Variants in ABRAXAS2 observed in about 807,000 individuals in gnomAD.
ABRAXAS2 encodes BRISC complex subunit Abraxas 2.
Under a neutral mutation model 49.0 loss-of-function variants are expected in ABRAXAS2, and 23 were observed. That is an observed-to-expected ratio of 0.47 (90% confidence interval 0.34 to 0.66). The LOEUF is 0.66. Ranked by LOEUF, ABRAXAS2 falls within the 30% of genes least tolerant of loss-of-function variation. The probability of loss-of-function intolerance (pLI) is 0.01; values close to 1 mark genes in which losing one functional copy is unlikely to be tolerated. For synonymous variants in ABRAXAS2, 168 were observed against 180.2 expected, an observed-to-expected ratio of 0.93 and a Z score of 0.54; for missense variants, 443 against 511.9, an observed-to-expected ratio of 0.87 and a Z score of 1.30.
intron 4 of ABRAXAS2, among the ~76,000 whole-genome samples, chr10:124,824,301 C>T (rs1466663443): frequency 3.3e-5 from 5 of 152,078 alleles, no homozygotes; most frequent in African/African-American, 7.2e-5. Flanking sequence ...TTTGGGAGGC[C>T]GAGGCTGGCA....
rs1432654835 is a variant in ABRAXAS2 at position 124,822,122 on chromosome 10, T to C, written c.267+2672T>C. Among the ~76,000 whole-genome samples, 27 of 152,204 alleles carry C rather than the reference T, an allele frequency of 1.8e-4. 1 individual carries two copies. Among genetic ancestry groups the C allele is most frequent in the Non-Finnish European group, 2.1e-4 (14 of 68,034 alleles). ...GGATGTTTGTTGTTTGGTTATTTTG[T>C]AGGGGGGATTTTGAAAGCAACCTAA... On this transcript the variant is annotated intron_variant, in intron 4 of 8. Coordinates refer to ENST00000298492, the MANE Select transcript of ABRAXAS2 (RefSeq NM_032182.4).
At chr10:124,831,840 G>GTATTTT (rs1564925948) in intron 8 of ABRAXAS2, among the ~76,000 whole-genome samples, 5 of 106,208 alleles carry the variant, frequency 4.7e-5, no homozygotes, top group Non-Finnish European at 3.6e-5. Flanking sequence ...ACTGTGTCCT[G>GTATTTT]TCTTTTTTTT....
intron 4 of ABRAXAS2, among the ~76,000 whole-genome samples, chr10:124,823,271 GTACAAAATTTTATCAT>G (rs1407040144): frequency 6.6e-6 from 1 of 152,056 alleles, no homozygotes; most frequent in Non-Finnish European, 1.5e-5. Context: ...CCTAGGATAA[GTACAAAATTTTATCAT>G]TACCTCAAAA....
At chr10:124,807,384 G>A (rs1241875955) in intron 2 of ABRAXAS2, among the ~76,000 whole-genome samples, 2 of 151,552 alleles carry the variant, frequency 1.3e-5, no homozygotes, top group East Asian at 3.9e-4. Flanking sequence ...CGGCCATGGT[G>A]GCTCATGCCT....
At chr10:124,806,807 A>G (rs766863280) in intron 1 of ABRAXAS2, 24 bp from the exon 2 acceptor site, 2 of 1,471,178 alleles carry the variant, frequency 1.4e-6, no homozygotes, top group South Asian at 1.2e-5. Context: ...TTAGTCTGCA[A>G]TTATTTTCTT....
chr10:124,818,559 A>G (rs1045658645), intron 3 of ABRAXAS2, among the ~76,000 whole-genome samples: 2 of 152,126 alleles, frequency 1.3e-5, no homozygotes, highest in Non-Finnish European at 2.9e-5. Context: ...CTGGAGCTGG[A>G]GCTTGTGTCT....
intron 2 of ABRAXAS2, among the ~76,000 whole-genome samples, chr10:124,809,321 GCT>G (rs1250890600): frequency 6.6e-6 from 1 of 151,802 alleles, no homozygotes; most frequent in African/African-American, 2.4e-5. Flanking sequence ...ATGCAGTCTG[GCT>G]CTGTTGCCCA....
intron 8 of ABRAXAS2, among the ~76,000 whole-genome samples, 200 bp from the exon 9 acceptor site, chr10:124,834,302 A>G (rs914307254): frequency 3.9e-5 from 6 of 152,212 alleles, no homozygotes; most frequent in African/African-American, 1.4e-4. Context: ...GAAATTTGTC[A>G]TGGCCTTAAA....
intron 2 of ABRAXAS2, among the ~76,000 whole-genome samples, chr10:124,816,105 G>T (rs1950823440): frequency 6.6e-6 from 1 of 151,922 alleles, no homozygotes. Flanking sequence ...GTTTCACCAT[G>T]TTGGCCAGAC....
chr10:124,817,265 T>C (rs1473571476), intron 3 of ABRAXAS2, among the ~76,000 whole-genome samples: 1 of 152,044 alleles, frequency 6.6e-6, no homozygotes, highest in Non-Finnish European at 1.5e-5. Flanking sequence ...CAATGCCATA[T>C]TATGACCAAC....
Position 124,834,688 on chromosome 10 carries a change from A to G in ABRAXAS2, c.965A>G (p.His322Arg). ...AACAATCAAGAAAGTACTTTGAGCC[A>G]CTCTCGCATGGAAAGGAGTGTCTTT... Reference protein sequence around the residue: ...HPNNQESTLSHSRMERSVFMP... With the variant: ...HPNNQESTLSRSRMERSVFMP... Residue 322 changes from histidine to arginine, a missense_variant, in exon 9 of 9, where the codon CAC (histidine) becomes CGC (arginine). Coordinates refer to ENST00000298492, the MANE Select transcript of ABRAXAS2 (RefSeq NM_032182.4). The G allele has an allele frequency of 6.2e-7, 1 of 1,613,990 alleles. No homozygotes were observed. Among genetic ancestry groups the G allele is most frequent in the Non-Finnish European group, 8.5e-7 (1 of 1,180,008 alleles).
intron 2 of ABRAXAS2, among the ~76,000 whole-genome samples, chr10:124,808,956 C>T (rs1169453272): frequency 6.6e-6 from 1 of 151,924 alleles, no homozygotes; most frequent in African/African-American, 2.4e-5. Context: ...CATGAAGAAA[C>T]CCCGTCTCTA....
chr10:124,831,336 T>A lies in ABRAXAS2; in HGVS notation c.664-13T>A. On this transcript the variant is annotated splice_polypyrimidine_tract_variant and intron_variant, in intron 7 of 8. Transcript: ENST00000298492. ...GAACTTGAAGCTAACCTCGTTGTCA[T>A]TTTTTTCCTCAGGCAGTGTGTGCAG... 6.4e-7 allele frequency: 1 copy of A among 1,555,356 alleles called. No individual in the cohort carries two copies. Among genetic ancestry groups the A allele is most frequent in the Non-Finnish European group, 8.9e-7 (1 of 1,128,248 alleles).
chr10:124,828,015 T>C lies in ABRAXAS2; in HGVS notation c.459-741T>C, dbSNP rs114264487. 6.4e-3 allele frequency among the ~76,000 whole-genome samples: 981 copies of C among 152,134 alleles called. 19 individuals carry two copies. Among genetic ancestry groups the C allele is most frequent in the African/African-American group, 0.023 (945 of 41,472 alleles). On this transcript the variant is annotated intron_variant, in intron 5 of 8. Transcript: ENST00000298492. ...AGGCATGACCTGTGCTCTCAAGGAGTTGATAAGCAAGGTTTTACTTTACAG... is the reference window on the plus strand; with the variant it reads ...AGGCATGACCTGTGCTCTCAAGGAGCTGATAAGCAAGGTTTTACTTTACAG...
Position 124,834,913 on chromosome 10 carries a change from C to G in ABRAXAS2, c.1190C>G (p.Ser397Cys). Reference sequence around the variant, plus strand: ...AGTGAATACTCACATTCAAAGGATTCTCGACCCATGGCACATCCCGACGAG... The same window carrying G: ...AGTGAATACTCACATTCAAAGGATTGTCGACCCATGGCACATCCCGACGAG... The part of the protein sequence containing the change: ...SNSEYSHSKD[S>C]RPMAHPDEDP... The change falls in exon 9 of 9, where the codon TCT becomes TGT. Residue 397 changes from serine (S) to cysteine (C), a missense_variant. Ser to Cys is a moderately radical substitution (Grantham distance 112). This residue lies in a region of ABRAXAS2 where 230 missense variants were observed against 237.0 expected (regional missense o/e 0.97). Transcript: ENST00000298492. The G allele has an allele frequency of 6.2e-7, 1 of 1,614,118 alleles. No homozygotes were observed. The highest frequency in any genetic ancestry group is 1.1e-5 in the South Asian group (1 of 91,070).
chr10:124,802,364 C>A (rs1950711506), intron 1 of ABRAXAS2, among the ~76,000 whole-genome samples: 1 of 152,210 alleles, frequency 6.6e-6, no homozygotes, highest in African/African-American at 2.4e-5. Flanking sequence ...CGAGTGAAAC[C>A]GTGGCTGTCA....
intron 4 of ABRAXAS2, among the ~76,000 whole-genome samples, chr10:124,823,200 G>A (rs1222546842): frequency 6.6e-6 from 1 of 152,062 alleles, no homozygotes; most frequent in Non-Finnish European, 1.5e-5. Context: ...CAAAGACAGA[G>A]ATGATATATA....
chr10:124,828,936 A>G, intron 6 of ABRAXAS2, 61 bp downstream of exon 6: 14 of 1,568,042 alleles, frequency 8.9e-6, no homozygotes, highest in Non-Finnish European at 1.2e-5. Flanking sequence ...TTTGTTAATA[A>G]CATTTAAAAG....
At chr10:124,827,358 G>C (rs1169017842) in intron 5 of ABRAXAS2, among the ~76,000 whole-genome samples, 1 of 151,602 alleles carries the variant, frequency 6.6e-6, no homozygotes, top group Non-Finnish European at 1.5e-5. Flanking sequence ...ACGGGGTTTT[G>C]CCCATTTTGG....
Sources: gnomAD v4.1 joint callset for allele counts (sites outside exome capture counted in the v4.1 genomes callset) on GRCh38, gnomAD v4.1.1 for gene constraint, gnomAD v4.1.1 regional missense constraint, MANE v1.5 for transcripts, NCBI Gene and HGNC (gene_info 2026-07-23, HGNC 2026-07-21) for gene names.